SSC5D: variants seen among roughly 807,000 people sequenced by gnomAD.
SSC5D encodes the protein scavenger receptor cysteine rich family member with 5 domains, also known as soluble scavenger receptor cysteine-rich domain-containing protein SSC5D.
In SSC5D, 106 loss-of-function variants were observed where a neutral mutation model predicts 104.6. The observed-to-expected ratio is 1.01, with a 90% CI of 0.87 to 1.19. The LOEUF is 1.19. Among genes scored for constraint, SSC5D ranks in the 50% most tolerant of loss-of-function variants. SSC5D has a pLI of 0.00. For missense variants in SSC5D, 1,993 were observed against 2,153.8 expected, an observed-to-expected ratio of 0.93 and a Z score of 1.48; for synonymous variants, 860 against 883.5, an observed-to-expected ratio of 0.97 and a Z score of 0.47.
intron 1 of SSC5D, 81 bp from the exon 2 acceptor site, chr19:55,488,925 C>G (rs1002169912): frequency 1.2e-6 from 1 of 807,892 alleles, no homozygotes; most frequent in South Asian, 1.5e-5. Context: ...TTGGGGTATT[C>G]AAGATGAGGG....
In SSC5D at chr19:55,493,715, C is replaced by T. The variant is rs1397001601; in HGVS notation, c.1016C>T (p.Ala339Val). 2.6e-6 allele frequency: 4 copies of T among 1,517,358 alleles called. No individual in the cohort carries two copies. In the South Asian group the frequency reaches 3.7e-5, roughly 14 times the overall value. The allele number at this position is 1,517,358 out of a possible 1,614,324, so 94.0% of individuals were successfully genotyped here. The change falls in exon 7 of 14, where the codon GCT becomes GTT. Residue 339 changes from alanine to valine, a missense_variant. Physicochemically the swap from Ala to Val is moderately conservative, Grantham distance 64 (BLOSUM62 0). Transcript: ENST00000389623. ...CDDAWDLRDAAVACRELGCGG... is the reference protein window; with the variant it reads ...CDDAWDLRDAVVACRELGCGG... The stretch of plus-strand genomic sequence containing the variant: ...GACGCCTGGGACCTGCGAGACGCCG[C>T]TGTGGCCTGCCGAGAGCTGGGCTGC...
In SSC5D at chr19:55,489,255, G is replaced by A. The variant is rs1987055841; in HGVS notation, c.53-99G>A. On this transcript the variant is annotated intron_variant, in intron 2 of 13. Transcript: ENST00000389623. ...CAGTGAGCAGGGCCACTGGCCTACAGACAGTACCTGCAGGACAGCCACCTG... is the reference window on the plus strand; with the variant it reads ...CAGTGAGCAGGGCCACTGGCCTACAAACAGTACCTGCAGGACAGCCACCTG... 6.8e-6 allele frequency: 9 copies of A among 1,330,720 alleles called. No individual in the cohort carries two copies. The South Asian group carries it at 1.4e-4, about 21-fold the overall frequency. 82.4% of individuals were successfully genotyped at this position (1,330,720 alleles called of 1,614,324 possible). A position where few individuals can be genotyped will look rare whatever the true frequency, so the allele number is the denominator to read the frequency against.
intron 13 of SSC5D, among the ~76,000 whole-genome samples, chr19:55,515,115 C>T (rs1013485676): frequency 2.6e-4 from 40 of 152,082 alleles, no homozygotes; most frequent in African/African-American, 8.0e-4. Flanking sequence ...CTAAGAGCAC[C>T]GGGCATGGTG....
chr19:55,512,639 A>G (rs3933487), intron 12 of SSC5D, among the ~76,000 whole-genome samples: 151,154 of 152,114 alleles, frequency 0.99, 75,136 homozygotes, highest in Non-Finnish European at 1. Context: ...GTGCCACCAT[A>G]CCCAGCTAAT....
At chr19:55,491,123 C>T (rs769094927) in intron 6 of SSC5D, 43 bp downstream of exon 6, 1 of 1,515,640 alleles carries the variant, frequency 6.6e-7, no homozygotes, top group South Asian at 1.3e-5. Flanking sequence ...CTTCCTCAGA[C>T]CCCAGCTCCC....
At position 55,507,685 on chromosome 19, in the gene SSC5D, A is replaced by AG. The variant is rs1162622131; in HGVS notation, c.2786-5326_2786-5325insG. The stretch of plus-strand genomic sequence containing the variant: ...CGTCTCAAAAAAAAAAAAAAAAAAA[A>AG]AAAGAAAAAAAGAGACATCTTACTA... On this transcript the variant is annotated intron_variant, in intron 12 of 13. Transcript: ENST00000389623. Among the ~76,000 whole-genome samples, 55 of 151,386 alleles carry AG rather than the reference A, an allele frequency of 3.6e-4. 1 individual carries two copies. The highest frequency in any genetic ancestry group is 5.9e-4 in the Non-Finnish European group (40 of 67,788).
Position 55,494,003 on chromosome 19 carries a change from C to T in SSC5D, c.1213+91C>T, listed in dbSNP as rs1439204134. On this transcript the variant is annotated intron_variant, in intron 7 of 13. Transcript: ENST00000389623. ...CGGCGGGGGCGGGGGGGTCCCTACG[C>T]GCCCTTCCTGCCCTCTCTCCGGACT... The T allele has an allele frequency of 4.1e-6, 4 of 969,402 alleles. 1 individual carries two copies. In the Admixed American group the frequency reaches 7.5e-5, roughly 18 times the overall value. The allele number at this position is 969,402 out of a possible 1,614,324, so 60.1% of individuals were successfully genotyped here.
chr19:55,509,582 G>A (rs115574507), intron 12 of SSC5D, among the ~76,000 whole-genome samples: 1,905 of 145,568 alleles, frequency 0.013, 39 homozygotes, highest in African/African-American at 0.045. Context: ...TTTTTTCCAA[G>A]ACGGAGTCTC....
intron 8 of SSC5D, 31 bp from the exon 9 acceptor site, chr19:55,497,849 A>G (rs979034070): frequency 9.4e-6 from 14 of 1,491,452 alleles, no homozygotes; most frequent in African/African-American, 5.6e-5. Flanking sequence ...GGCTTCCCCG[A>G]CTCTAATTCT....
At chr19:55,511,108 A>G (rs1486368049) in intron 12 of SSC5D, among the ~76,000 whole-genome samples, 1 of 152,172 alleles carries the variant, frequency 6.6e-6, no homozygotes, top group East Asian at 1.9e-4. Context: ...CAGGTTTCCT[A>G]ATGGGTATGG....
At chr19:55,505,764 T>A (rs754688305) in intron 12 of SSC5D, among the ~76,000 whole-genome samples, 1 of 151,774 alleles carries the variant, frequency 6.6e-6, no homozygotes, top group Non-Finnish European at 1.5e-5. Context: ...TGAGACAGAG[T>A]CTCACTCTGT....
chr19:55,518,614 C>T lies in SSC5D; in HGVS notation c.4338C>T (p.Ala1446=), dbSNP rs1346340675. Residue 1446 remains alanine, a synonymous_variant, in exon 14 of 14, where the codon GCC becomes GCT. Transcript: ENST00000389623. ...VSPDPLLSPT[A]HPLDHPPLDP... ...CTGACCCCCTCCTTTCCCCCACAGC[C>T]CACCCCTTGGATCATCCTCCCCTTG... 1 of 1,529,632 alleles carries T rather than the reference C, an allele frequency of 6.5e-7. No homozygotes were observed. The highest frequency in any genetic ancestry group is 1.4e-5 in the African/African-American group (1 of 72,616). The allele number at this position is 1,529,632 out of a possible 1,614,324, so 94.8% of individuals were successfully genotyped here.
rs1987261279 is a variant in SSC5D at position 55,494,689 on chromosome 19, C to T, written c.1293C>T (p.Pro431=). The T allele has an allele frequency of 1.3e-6, 2 of 1,550,416 alleles. No individual in the cohort carries two copies. The highest frequency in any genetic ancestry group is 1.7e-6 in the Non-Finnish European group (2 of 1,146,560). ...CGCCCAGGGAGGCTGCCTCCAGGCC[C>T]CCGTCCACCATGACGAGCCAGGCTC... ...NSTPREAASR[P]PSTMTSQAPG... Residue 431 remains proline (P), a synonymous_variant, in exon 8 of 14, where the codon CCC becomes CCT. Coordinates refer to ENST00000389623, the MANE Select transcript of SSC5D (RefSeq NM_001144950.2).
chr19:55,492,272 CT>C, intron 6 of SSC5D: 1 of 152,248 alleles, frequency 6.6e-6, no homozygotes, highest in East Asian at 1.9e-4. Context: ...GCCTGTCCCA[CT>C]GCACAGTCGG....
chr19:55,489,094 T>G, intron 2 of SSC5D, 62 bp downstream of exon 2: 1 of 818,884 alleles, frequency 1.2e-6, no homozygotes, highest in Non-Finnish European at 1.6e-6. Context: ...CTTCTGCCCA[T>G]CCAGGCCTGG....
chr19:55,493,188 C>T (rs1048518316), intron 6 of SSC5D, among the ~76,000 whole-genome samples: 18 of 152,154 alleles, frequency 1.2e-4, no homozygotes, highest in African/African-American at 3.1e-4. Flanking sequence ...TTTTGGTTGT[C>T]GCAGCTAGGG....
rs937749767 is a variant in SSC5D, at chr19:55,490,842, G to A, written c.657G>A (p.Trp219Ter). ...GRLEVWHGGR[W>*]GTVCDDGWDL... is the part of the protein sequence containing the mutation. Reference sequence around the variant, plus strand: ...TGGAGGTCTGGCACGGCGGGCGCTGGGGCACCGTATGTGACGATGGCTGGG... The same window carrying A: ...TGGAGGTCTGGCACGGCGGGCGCTGAGGCACCGTATGTGACGATGGCTGGG... The change falls in exon 6 of 14, where the codon TGG becomes TGA. Residue 219 changes from tryptophan (W) to a stop codon, truncating the protein, a stop_gained. Transcript: ENST00000389623. LOFTEE classifies it high-confidence loss of function. The A allele has an allele frequency of 4.5e-6, 7 of 1,547,358 alleles. No homozygotes were observed. Among genetic ancestry groups the A allele is most frequent in the Non-Finnish European group, 5.2e-6 (6 of 1,145,590 alleles).
chr19:55,514,118 T>C (rs576297223), intron 13 of SSC5D, among the ~76,000 whole-genome samples: 40 of 152,266 alleles, frequency 2.6e-4, no homozygotes, highest in African/African-American at 8.9e-4. Context: ...AAGTTAAGCA[T>C]GATTAGGCTG....
chr19:55,490,884 T>C lies in SSC5D; in HGVS notation c.699T>C (p.Ala233=), dbSNP rs1599911750. ...ATGGCTGGGACCTGCGCGACGCTGCTGTAGCCTGCCGGGAACTGGGCTGTG... is the reference window on the plus strand; with the variant it reads ...ATGGCTGGGACCTGCGCGACGCTGCCGTAGCCTGCCGGGAACTGGGCTGTG... ...CDDGWDLRDA[A]VACRELGCGG... Residue 233 remains alanine (A), a synonymous_variant, in exon 6 of 14, where the codon GCT becomes GCC. Transcript: ENST00000389623. 3 of 1,546,460 alleles carry C rather than the reference T, an allele frequency of 1.9e-6. No homozygotes were observed. In the East Asian group the frequency reaches 7.3e-5, roughly 38 times the overall value.
Sources: allele counts gnomAD v4.1 joint callset (sites outside exome capture counted in the v4.1 genomes callset), GRCh38; gene constraint gnomAD v4.1.1; transcripts MANE v1.5; gene names NCBI Gene and HGNC (gene_info 2026-07-23, HGNC 2026-07-21).